PIGC: variants seen among roughly 807,000 people sequenced by gnomAD.
The protein encoded by PIGC is phosphatidylinositol glycan anchor biosynthesis class C.
A neutral mutation model predicts 20.9 loss-of-function variants in PIGC; 14 were observed. The observed-to-expected ratio is 0.67, with a 90% CI of 0.44 to 1.05. The LOEUF is 1.05. Among genes scored for constraint, PIGC ranks in the 50% least tolerant of loss-of-function variants. PIGC has a pLI of 0.00. For synonymous variants in PIGC, 132 were observed against 141.4 expected (o/e 0.93, Z 0.47); for missense variants, 310 against 360.9 (o/e 0.86, Z 1.14).
chr1:172,442,954 G>C (rs1202881458), intron 1 of PIGC, 124 bp from the exon 2 acceptor site: 3 of 231,710 alleles, frequency 1.3e-5, no homozygotes, highest in Non-Finnish European at 2.8e-5. Flanking sequence ...TCACCTTATG[G>C]GACATTAAAA....
intron 1 of PIGC, 114 bp downstream of exon 1, chr1:172,443,874 T>C: frequency 1.2e-6 from 1 of 804,924 alleles, no homozygotes; most frequent in Non-Finnish European, 1.5e-6. Context: ...CCATTTGGCT[T>C]TTTGGGTGGG....
chr1:172,442,535 C>G lies in PIGC; in HGVS notation c.88G>C (p.Asp30His). The G allele has an allele frequency of 6.2e-7, 1 of 1,614,158 alleles. No individual in the cohort carries two copies. The highest frequency in any genetic ancestry group is 8.5e-7 in the Non-Finnish European group (1 of 1,179,998). The change falls in exon 2 of 2, where the codon GAC (aspartate) becomes CAC (histidine). Residue 30 changes from aspartate to histidine, a missense_variant. Physicochemically the swap from Asp to His is moderately conservative, Grantham distance 81 (BLOSUM62 -1). Transcript: ENST00000344529. ...ERQPFPDNYV[D>H]RRFLEELRKN... ...CGGAGCTCTTCCAGGAATCGCCGGT[C>G]CACATAGTTATCAGGAAAGGGCTGT...
Position 172,442,261 on chromosome 1 carries a change from T to C in PIGC, c.362A>G (p.Lys121Arg). 6.2e-7 allele frequency: 1 copy of C among 1,613,988 alleles called. No individual in the cohort carries two copies. The highest frequency in any genetic ancestry group is 1.1e-5 in the South Asian group (1 of 91,060). The change falls in exon 2 of 2, where the codon AAG becomes AGG. Residue 121 changes from lysine (K) to arginine (R), a missense_variant. Lys to Arg is a conservative substitution (Grantham distance 26). Coordinates refer to ENST00000344529, the MANE Select transcript of PIGC (RefSeq NM_153747.2). Reference protein sequence around the residue: ...KSGQTRWADLKSALVFITFTY... With the variant: ...KSGQTRWADLRSALVFITFTY... ...GAAAGTAATGAAGACTAGGGCACTC[T>C]TCAGGTCAGCCCACCGGGTCTGCCC...
chr1:172,444,064 G>A lies in PIGC; in HGVS notation c.-285C>T, dbSNP rs530599423. On this transcript the variant is annotated 5_prime_UTR_variant, in exon 1 of 2. Coordinates refer to ENST00000344529, the MANE Select transcript of PIGC (RefSeq NM_153747.2). ...TCCCGCTTCGGGGCGCCGGGGCTGC[G>A]ACTGTGGCCAAGCACTTCCGGGTCC... 1,308 of 999,060 alleles carry A rather than the reference G, an allele frequency of 1.3e-3. No individual in the cohort carries two copies. Among genetic ancestry groups the A allele is most frequent in the Non-Finnish European group, 1.5e-3 (1,226 of 830,250 alleles). 61.9% of individuals were successfully genotyped at this position (999,060 alleles called of 1,614,324 possible). A position where few individuals can be genotyped will look rare whatever the true frequency, so the allele number is the denominator to read the frequency against.
intron 1 of PIGC, chr1:172,443,323 A>G (rs1647548728): frequency 6.0e-6 from 1 of 167,054 alleles, no homozygotes; most frequent in South Asian, 2.1e-4. Context: ...TATAGGGATA[A>G]TATCCATAGT....
Position 172,442,277 on chromosome 1 carries a change from G to T in PIGC, c.346C>A (p.Arg116=). The T allele has an allele frequency of 1.2e-6, 2 of 1,613,748 alleles. No individual in the cohort carries two copies. The highest frequency in any genetic ancestry group is 2.7e-5 in the African/African-American group (2 of 75,030). ...AGGGCACTCTTCAGGTCAGCCCACCGGGTCTGCCCACTCTTCTTCCGCCCT... is the reference window on the plus strand; with the variant it reads ...AGGGCACTCTTCAGGTCAGCCCACCTGGTCTGCCCACTCTTCTTCCGCCCT... ...GEGRKKSGQT[R]WADLKSALVF... is the part of the protein sequence containing the mutation. Residue 116 remains arginine, a synonymous_variant, in exon 2 of 2, where the codon CGG becomes AGG. Coordinates refer to ENST00000344529, the MANE Select transcript of PIGC (RefSeq NM_153747.2).
chr1:172,442,749 A>C lies in PIGC; in HGVS notation c.-127T>G. The C allele has an allele frequency of 1.2e-6, 1 of 819,800 alleles. No homozygotes were observed. The highest frequency in any genetic ancestry group is 2.0e-6 in the Non-Finnish European group (1 of 500,680). 50.8% of individuals were successfully genotyped at this position (819,800 alleles called of 1,614,324 possible). On this transcript the variant is annotated 5_prime_UTR_variant, in exon 2 of 2. Transcript: ENST00000344529. ...TTCCATGCTGTGTTGATGTTCTACC[A>C]ACCTTTCCTTGTTTTCAAAGGCAGG...
In PIGC at chr1:172,442,542, G is replaced by C. The variant is rs2149169931; in HGVS notation, c.81C>G (p.Asn27Lys). 6.2e-7 allele frequency: 1 copy of C among 1,614,190 alleles called. No individual in the cohort carries two copies. Among genetic ancestry groups the C allele is most frequent in the East Asian group, 2.2e-5 (1 of 44,894 alleles). ...VLYERQPFPD[N>K]YVDRRFLEEL... ...CTTCCAGGAATCGCCGGTCCACATA[G>C]TTATCAGGAAAGGGCTGTCGCTCAT... The change falls in exon 2 of 2, where the codon AAC (asparagine) becomes AAG (lysine). Residue 27 changes from asparagine (N) to lysine (K), a missense_variant. Transcript: ENST00000344529.
At chr1:172,443,543 C>T (rs1195582047) in intron 1 of PIGC, 1 of 166,860 alleles carries the variant, frequency 6.0e-6, no homozygotes, top group Non-Finnish European at 1.5e-5. Flanking sequence ...TTGAGAGGAT[C>T]GAAGAAGATA....
rs1489754694 is a variant in PIGC, at chr1:172,442,513, A to G, written c.110T>C (p.Leu37Pro). 6.2e-7 allele frequency: 1 copy of G among 1,614,152 alleles called. No homozygotes were observed. The highest frequency in any genetic ancestry group is 1.7e-5 in the Admixed American group (1 of 60,030). ...TTTCCGAGCATGGATGTTTTTCCGG[A>G]GCTCTTCCAGGAATCGCCGGTCCAC... Reference protein sequence around the residue: ...NYVDRRFLEELRKNIHARKYQ... With the variant: ...NYVDRRFLEEPRKNIHARKYQ... The change falls in exon 2 of 2, where the codon CTC (leucine) becomes CCC (proline). Residue 37 changes from leucine (L) to proline (P), a missense_variant. Transcript: ENST00000344529.
chr1:172,443,125 G>T, intron 1 of PIGC: 1 of 168,170 alleles, frequency 5.9e-6, no homozygotes. Flanking sequence ...TGGTAAAAAA[G>T]CTGAGATTCA....
rs1209726156 is a variant in PIGC at position 172,441,880 on chromosome 1, G to C, written c.743C>G (p.Ala248Gly). ...SAVGGLLSIS[A>G]VGAVLFALLL... ...AAGGGCAAAGAGTACGGCTCCCACA[G>C]CACTAATGGACAGTAGGCCTCCCAC... The change falls in exon 2 of 2, where the codon GCT becomes GGT. Residue 248 changes from alanine (A) to glycine (G), a missense_variant. Physicochemically the swap from Ala to Gly is moderately conservative, Grantham distance 60. Coordinates refer to ENST00000344529, the MANE Select transcript of PIGC (RefSeq NM_153747.2). 6.2e-6 allele frequency: 10 copies of C among 1,614,050 alleles called. No homozygotes were observed. The African/African-American group carries it at 1.2e-4, about 19-fold the overall frequency.
At chr1:172,443,868 T>G (rs943376879) in intron 1 of PIGC, 120 bp downstream of exon 1, 20 of 700,442 alleles carry the variant, frequency 2.9e-5, no homozygotes, top group African/African-American at 1.4e-4. Flanking sequence ...GGCACCCCAT[T>G]TGGCTTTTTG....
chr1:172,441,921 A>G lies in PIGC; in HGVS notation c.702T>C (p.Leu234=). The G allele has an allele frequency of 3.1e-6, 5 of 1,614,132 alleles. No individual in the cohort carries two copies. Among genetic ancestry groups the G allele is most frequent in the Non-Finnish European group, 4.2e-6 (5 of 1,180,008 alleles). ...TPRSYVGVTL[L]FAFSAVGGLL... Reference sequence around the variant, plus strand: ...GGCCTCCCACGGCTGAAAATGCAAAAAGCAGTGTGACCCCCACATAGCTCC... The same window carrying G: ...GGCCTCCCACGGCTGAAAATGCAAAGAGCAGTGTGACCCCCACATAGCTCC... Residue 234 remains leucine, a synonymous_variant, in exon 2 of 2, where the codon CTT becomes CTC. Transcript: ENST00000344529.
chr1:172,443,946 A>C, intron 1 of PIGC, 42 bp downstream of exon 1: 1 of 997,394 alleles, frequency 1.0e-6, no homozygotes, highest in South Asian at 4.7e-5. Context: ...GCAGAGGAAA[A>C]GGAGCCCCGG....
chr1:172,442,483 T>C lies in PIGC; in HGVS notation c.140A>G (p.Gln47Arg). 5 of 1,614,172 alleles carry C rather than the reference T, an allele frequency of 3.1e-6. No homozygotes were observed. Among genetic ancestry groups the C allele is most frequent in the Non-Finnish European group, 4.2e-6 (5 of 1,180,026 alleles). Reference protein sequence around the residue: ...LRKNIHARKYQYWAVVFESSV... With the variant: ...LRKNIHARKYRYWAVVFESSV... ...GGACTCAAATACCACAGCCCAATAT[T>C]GGTATTTCCGAGCATGGATGTTTTT... The change falls in exon 2 of 2, where the codon CAA becomes CGA. Residue 47 changes from glutamine (Q) to arginine (R), a missense_variant. Coordinates refer to ENST00000344529, the MANE Select transcript of PIGC (RefSeq NM_153747.2).
Position 172,442,665 on chromosome 1 carries a change from A to C in PIGC, c.-43T>G. The stretch of plus-strand genomic sequence containing the variant: ...TCAGGCCAGTTTAATCATCGCCCTC[A>C]CAGAAGTCCAGGTGGTTCTTGTTCT... On this transcript the variant is annotated 5_prime_UTR_variant, in exon 2 of 2. Transcript: ENST00000344529. The C allele has an allele frequency of 1.3e-6, 2 of 1,529,626 alleles. No homozygotes were observed. The highest frequency in any genetic ancestry group is 2.3e-5 in the South Asian group (2 of 85,866). The allele number at this position is 1,529,626 out of a possible 1,614,324, so 94.8% of individuals were successfully genotyped here.
rs1024645612 is a variant in PIGC, at chr1:172,444,025, G to A, written c.-246C>T. 43 of 999,882 alleles carry A rather than the reference G, an allele frequency of 4.3e-5. No individual in the cohort carries two copies. Among genetic ancestry groups the A allele is most frequent in the Non-Finnish European group, 5.1e-5 (42 of 830,184 alleles). 61.9% of individuals were successfully genotyped at this position (999,882 alleles called of 1,614,324 possible). On this transcript the variant is annotated 5_prime_UTR_variant, in exon 1 of 2. Transcript: ENST00000344529. ...AGGGTTGCGCAGCTGGGGGACGGCG[G>A]CACCCAGCCTTTTTCCCGCTTCGGG...
Position 172,442,755 on chromosome 1 carries a change from T to C in PIGC, c.-133A>G. 1 of 790,088 alleles carries C rather than the reference T, an allele frequency of 1.3e-6. No individual in the cohort carries two copies. The highest frequency in any genetic ancestry group is 1.7e-5 in the South Asian group (1 of 57,346). 48.9% of individuals were successfully genotyped at this position (790,088 alleles called of 1,614,324 possible). A position where few individuals can be genotyped will look rare whatever the true frequency, so the allele number is the denominator to read the frequency against. The stretch of plus-strand genomic sequence containing the variant: ...GCTGTGTTGATGTTCTACCAACCTT[T>C]CCTTGTTTTCAAAGGCAGGGGCTAG... On this transcript the variant is annotated 5_prime_UTR_variant, in exon 2 of 2. Coordinates refer to ENST00000344529, the MANE Select transcript of PIGC (RefSeq NM_153747.2).
Sources: allele counts gnomAD v4.1 joint callset, GRCh38; gene constraint gnomAD v4.1.1; transcripts MANE v1.5; gene names NCBI Gene and HGNC (gene_info 2026-07-23, HGNC 2026-07-21).